UNC13C: variants seen among roughly 807,000 people sequenced by gnomAD.
UNC13C encodes protein unc-13 homolog C.
A neutral mutation model predicts 245.4 loss-of-function variants in UNC13C; 174 were observed. The observed-to-expected ratio is 0.71, with a 90% CI of 0.63 to 0.80. UNC13C has a LOEUF of 0.80. Ranked by LOEUF, UNC13C falls within the 30% of genes least tolerant of loss-of-function variation. The pLI is 0.00. For missense variants in UNC13C, 2,829 were observed against 2,602.9 expected (o/e 1.09, Z -1.89); for synonymous variants, 992 against 895.1 (o/e 1.11, Z -1.93).
intron 2 of UNC13C, among the ~76,000 whole-genome samples, chr15:54,098,455 G>A (rs1197793175): frequency 7.9e-5 from 12 of 152,200 alleles, no homozygotes; most frequent in Middle Eastern, 3.4e-3. Flanking sequence ...GATTATAGGC[G>A]TGAGCTACCC....
intron 17 of UNC13C, among the ~76,000 whole-genome samples, chr15:54,340,787 A>G (rs893576135): frequency 6.6e-6 from 1 of 152,102 alleles, no homozygotes; most frequent in Non-Finnish European, 1.5e-5. Flanking sequence ...TTGGTTCCAT[A>G]TGAATTTTAG....
chr15:54,396,304 T>G (rs1453417782), intron 18 of UNC13C, among the ~76,000 whole-genome samples: 1 of 151,692 alleles, frequency 6.6e-6, no homozygotes, highest in African/African-American at 2.4e-5. Flanking sequence ...TCTAATACTA[T>G]GAATTAGTTT....
chr15:54,187,403 G>A (rs879576869), intron 4 of UNC13C, among the ~76,000 whole-genome samples: 20 of 151,990 alleles, frequency 1.3e-4, no homozygotes, highest in Admixed American at 6.6e-5. Context: ...ACTTTCCATT[G>A]CTCATAAAGA....
intron 19 of UNC13C, among the ~76,000 whole-genome samples, chr15:54,478,454 A>G (rs929040288): frequency 1.4e-5 from 2 of 144,064 alleles, no homozygotes; most frequent in African/African-American, 2.6e-5. Flanking sequence ...ATTTAGTGCT[A>G]TAAATTTCCC....
chr15:54,276,495 T>G (rs1337838098), intron 10 of UNC13C, among the ~76,000 whole-genome samples: 1 of 152,112 alleles, frequency 6.6e-6, no homozygotes, highest in Admixed American at 6.6e-5. Flanking sequence ...TGGTCTGGCA[T>G]TAATGGTTTA....
At chr15:54,586,782 A>T (rs774804535) in intron 30 of UNC13C, among the ~76,000 whole-genome samples, 4 of 152,212 alleles carry the variant, frequency 2.6e-5, no homozygotes, top group Non-Finnish European at 5.9e-5. Flanking sequence ...GTGATGAGTG[A>T]AGGCCCTTGG....
intron 19 of UNC13C, among the ~76,000 whole-genome samples, chr15:54,457,408 G>A (rs1891590586): frequency 6.6e-6 from 1 of 152,074 alleles, no homozygotes; most frequent in Non-Finnish European, 1.5e-5. Flanking sequence ...AGTTAGGGAG[G>A]ACTTCTTCTT....
intron 2 of UNC13C, among the ~76,000 whole-genome samples, chr15:54,074,622 A>G (rs976712420): frequency 6.6e-6 from 1 of 151,928 alleles, no homozygotes; most frequent in Non-Finnish European, 1.5e-5. Context: ...ATTCCTAGGT[A>G]TTTTATTCTC....
chr15:53,867,820 A>G, the UNC13C span, among the ~76,000 whole-genome samples: 1 of 152,064 alleles, frequency 6.6e-6, no homozygotes, highest in Admixed American at 6.5e-5. Flanking sequence ...AGGTTAAATA[A>G]CAAATTTTGT....
chr15:54,309,130 C>T (rs528249347), intron 13 of UNC13C, among the ~76,000 whole-genome samples: 7 of 151,708 alleles, frequency 4.6e-5, no homozygotes, highest in East Asian at 3.9e-4. Context: ...CAACAGTGTA[C>T]GAGATTCTGT....
At chr15:54,326,261 G>A (rs2038295352) in intron 14 of UNC13C, among the ~76,000 whole-genome samples, 1 of 152,078 alleles carries the variant, frequency 6.6e-6, no homozygotes, top group African/African-American at 2.4e-5. Flanking sequence ...CTGTGAAATG[G>A]TTGCAGAGGG....
At chr15:53,874,882 T>G in the UNC13C span, among the ~76,000 whole-genome samples, 1 of 152,094 alleles carries the variant, frequency 6.6e-6, no homozygotes, top group Non-Finnish European at 1.5e-5. Flanking sequence ...GATCATGAGG[T>G]CAGGAGTTCG....
intron 2 of UNC13C, among the ~76,000 whole-genome samples, chr15:54,129,983 C>T (rs932841673): frequency 6.7e-6 from 1 of 149,358 alleles, no homozygotes; most frequent in African/African-American, 2.5e-5. Flanking sequence ...ATATTTTAAA[C>T]AAAGTTTTAA....
intron 27 of UNC13C, among the ~76,000 whole-genome samples, chr15:54,549,432 G>C (rs1896634580): frequency 6.6e-6 from 1 of 152,106 alleles, no homozygotes; most frequent in Non-Finnish European, 1.5e-5. Context: ...TTTGAAAAGT[G>C]GGACACCTAT....
At chr15:54,482,772 C>T (rs1276223261) in intron 19 of UNC13C, among the ~76,000 whole-genome samples, 5 of 152,098 alleles carry the variant, frequency 3.3e-5, no homozygotes, top group South Asian at 4.1e-4. Flanking sequence ...GCCAATTTTT[C>T]CCTAATGGGA....
At chr15:54,057,026 T>C (rs1308515075) in intron 2 of UNC13C, among the ~76,000 whole-genome samples, 2 of 152,048 alleles carry the variant, frequency 1.3e-5, no homozygotes, top group Non-Finnish European at 2.9e-5. Context: ...GTAAAGACCA[T>C]CAAGGCTAGG....
chr15:54,427,191 TTG>T (rs1053620619), intron 19 of UNC13C, among the ~76,000 whole-genome samples: 2 of 151,790 alleles, frequency 1.3e-5, no homozygotes, highest in African/African-American at 4.8e-5. Context: ...TCAACTCGAA[TTG>T]TGTCTCCCAG....
In UNC13C at chr15:54,525,573, C is replaced by A; in HGVS notation, c.5482C>A (p.Leu1828Ile). ...GCTAGATTCTGAAGCTAGTACTATT[C>A]TAAAAGAACTTCAGGTTAAGCTCAG... is the stretch of plus-strand genomic sequence containing the variant. Reference protein sequence around the residue: ...KELDSEASTILKELQVKLSGV... With the variant: ...KELDSEASTIIKELQVKLSGV... The change falls in exon 25 of 33, where the codon CTA (leucine) becomes ATA (isoleucine). Residue 1828 changes from leucine (L) to isoleucine (I), a missense_variant. By Grantham distance (5) the Leu-to-Ile change is conservative. Transcript: ENST00000260323. The A allele has an allele frequency of 6.2e-7, 1 of 1,612,778 alleles. No individual in the cohort carries two copies. The highest frequency in any genetic ancestry group is 1.1e-5 in the South Asian group (1 of 90,722).
At chr15:54,511,169 T>G (rs995536704) in intron 23 of UNC13C, among the ~76,000 whole-genome samples, 1 of 152,020 alleles carries the variant, frequency 6.6e-6, no homozygotes, top group Admixed American at 6.6e-5. Context: ...AAGTGAGTGA[T>G]AAGATAAAAT....
Sources: gnomAD v4.1 joint callset for allele counts (sites outside exome capture counted in the v4.1 genomes callset) on GRCh38, gnomAD v4.1.1 for gene constraint, MANE v1.5 for transcripts, NCBI Gene and HGNC (gene_info 2026-07-23, HGNC 2026-07-21) for gene names.